PHEX: variants seen among roughly 807,000 people sequenced by gnomAD.
PHEX encodes the protein phosphate regulating endopeptidase X-linked.
In PHEX, 16 loss-of-function variants were observed where a neutral mutation model predicts 68.0. That is an observed-to-expected ratio of 0.24 (90% CI 0.16 to 0.36). The LOEUF is 0.36. Ranked by LOEUF, PHEX falls within the 10% of genes least tolerant of loss-of-function variation. The pLI, the probability that PHEX is intolerant of heterozygous loss-of-function variation, is 1.00. For missense variants in PHEX, 480 were observed against 575.5 expected (o/e 0.83, Z 1.70); for synonymous variants, 208 against 205.1 (o/e 1.01, Z -0.12).
chrX:22,145,358 C>T (rs1040730863), intron 12 of PHEX, among the ~76,000 whole-genome samples: 1 of 112,123 alleles, frequency 8.9e-6, no homozygotes, highest in South Asian at 3.7e-4. Context: ...CGCCTGTAAA[C>T]GCATCACTTT....
chrX:22,116,527 G>A (rs1324395391), intron 11 of PHEX, among the ~76,000 whole-genome samples: 1 of 111,749 alleles, frequency 8.9e-6, no homozygotes, highest in Non-Finnish European at 1.9e-5. Flanking sequence ...ACATTGTAAT[G>A]TCATGATTGT....
At chrX:22,232,932 G>A (rs928717445) in intron 20 of PHEX, among the ~76,000 whole-genome samples, 2 of 110,852 alleles carry the variant, frequency 1.8e-5, no homozygotes, top group African/African-American at 6.6e-5. Flanking sequence ...TCAGTGGCTG[G>A]TGCCAGTTGT....
At chrX:22,215,880 T>TAAC (rs769425641) in intron 16 of PHEX, among the ~76,000 whole-genome samples, 1 of 111,525 alleles carries the variant, frequency 9.0e-6, no homozygotes, top group East Asian at 2.8e-4. Flanking sequence ...TGGAACCTCA[T>TAAC]AACTGTCTGC....
At chrX:22,174,895 C>T (rs111344584) in intron 13 of PHEX, among the ~76,000 whole-genome samples, 19,483 of 111,544 alleles carry the variant, frequency 0.17, 1,636 homozygotes, top group Non-Finnish European at 0.26. Flanking sequence ...TCCTCAATCT[C>T]ACTTTGTCCT....
rs1257797124 is a variant in PHEX at position 22,045,442 on chromosome X, G to T, written c.188-1608G>T. ...TGGTACATAACTTTGTGCTAGAATG[G>T]TAGCCAGCAATTGCATGGCAGCTGG... On this transcript the variant is annotated intron_variant, in intron 2 of 21. Transcript: ENST00000379374. 3.6e-5 allele frequency among the ~76,000 whole-genome samples: 4 copies of T among 111,918 alleles called. No individual in the cohort carries two copies. The East Asian group carries it at 1.1e-3, about 31-fold the overall frequency.
intron 13 of PHEX, among the ~76,000 whole-genome samples, chrX:22,175,621 G>C: frequency 8.9e-6 from 1 of 111,883 alleles, no homozygotes; most frequent in Middle Eastern, 4.2e-3. Flanking sequence ...AAAGTGTTGG[G>C]ATTACAGGCA....
intron 11 of PHEX, 109 bp downstream of exon 11, chrX:22,114,695 T>G: frequency 3.0e-6 from 2 of 658,766 alleles, no homozygotes; most frequent in Non-Finnish European, 2.5e-6. Flanking sequence ...GGCCTGTGGG[T>G]ATTGTCTTCA....
At chrX:22,110,368 A>G (rs966961802) in intron 9 of PHEX, among the ~76,000 whole-genome samples, 2 of 112,602 alleles carry the variant, frequency 1.8e-5, no homozygotes, top group African/African-American at 6.4e-5. Context: ...TAAGAAAGAC[A>G]AATAAAAGCA....
intron 2 of PHEX, among the ~76,000 whole-genome samples, chrX:22,046,469 G>A (rs1927531487): frequency 9.1e-6 from 1 of 110,320 alleles, no homozygotes; most frequent in Non-Finnish European, 1.9e-5. Flanking sequence ...TTGACCACAC[G>A]CTCTATTTGT....
chrX:22,227,936 C>T lies in PHEX; in HGVS notation c.2070+325C>T, dbSNP rs5904628. 0.37 allele frequency among the ~76,000 whole-genome samples: 41,192 copies of T among 110,069 alleles called. 5,926 individuals are homozygous for T. The highest frequency in any genetic ancestry group is 0.46 in the African/African-American group (13,956 of 30,159). ...ATTTGTAACCATTTCTAGTAACTTG[C>T]TCTTTGGCTTTCATGGGCCTGCTCT... On this transcript the variant is annotated intron_variant, in intron 20 of 21. Transcript: ENST00000379374.
In PHEX at chrX:22,249,643, C is replaced by T. The variant is rs2041806157; in HGVS notation, c.*1690C>T. 9.5e-6 allele frequency: 1 copy of T among 105,818 alleles called. No individual in the cohort carries two copies. Among genetic ancestry groups the T allele is most frequent in the Admixed American group, 1.0e-4 (1 of 9,711 alleles). The allele number at this position is 105,818 out of a possible 1,213,427, so 8.7% of individuals were successfully genotyped here. A position where few individuals can be genotyped will look rare whatever the true frequency, so the allele number is the denominator to read the frequency against. On this transcript the variant is annotated 3_prime_UTR_variant, in exon 22 of 22. Transcript: ENST00000379374. ...ACTTCTTCCTCTCTGAATGGATAAA[C>T]TTGTGAAGGGCAGCTACCTTGTCCT...
chrX:22,091,882 G>C (rs1333352050), intron 6 of PHEX, among the ~76,000 whole-genome samples: 1 of 112,123 alleles, frequency 8.9e-6, no homozygotes, highest in South Asian at 3.7e-4. Flanking sequence ...ATGGTGTCAG[G>C]CAAGAGAGCT....
chrX:22,220,026 T>TAAAG (rs1182099063), intron 17 of PHEX, among the ~76,000 whole-genome samples: 1 of 112,408 alleles, frequency 8.9e-6, no homozygotes, highest in Non-Finnish European at 1.9e-5. Context: ...TGACATAAAC[T>TAAAG]AAAGAAATGG....
chrX:22,160,963 G>A (rs753426812), intron 12 of PHEX, among the ~76,000 whole-genome samples: 8 of 109,402 alleles, frequency 7.3e-5, no homozygotes, highest in Non-Finnish European at 1.3e-4. Flanking sequence ...ATGAAACTCC[G>A]TCTCTACTAA....
intron 21 of PHEX, among the ~76,000 whole-genome samples, chrX:22,247,379 G>A (rs1470712123): frequency 1.8e-5 from 2 of 111,975 alleles, no homozygotes; most frequent in African/African-American, 6.5e-5. Flanking sequence ...CAAAGCTATG[G>A]CAATAGAAGT....
At chrX:22,103,402 A>G (rs1437256735) in intron 9 of PHEX, among the ~76,000 whole-genome samples, 1 of 111,223 alleles carries the variant, frequency 9.0e-6, no homozygotes, top group Non-Finnish European at 1.9e-5. Flanking sequence ...TGGTGTACCC[A>G]TCACCTGAGC....
chrX:22,195,845 G>C (rs138878622), intron 15 of PHEX, among the ~76,000 whole-genome samples: 1,761 of 111,506 alleles, frequency 0.016, 32 homozygotes, highest in African/African-American at 0.054. Flanking sequence ...GGTTACACAG[G>C]TGATACAAGA....
chrX:22,036,054 ATTTTTTTT>A (rs72347239), intron 1 of PHEX, among the ~76,000 whole-genome samples: 2 of 56,740 alleles, frequency 3.5e-5, no homozygotes, highest in Non-Finnish European at 5.8e-5. Flanking sequence ...ATATATATAT[ATTTTTTTT>A]TTTTTTTTTT....
At chrX:22,203,289 A>AGATGGAGG (rs1442435726) in intron 15 of PHEX, among the ~76,000 whole-genome samples, 2 of 110,522 alleles carry the variant, frequency 1.8e-5, no homozygotes, top group Non-Finnish European at 3.8e-5. Flanking sequence ...GAAGGTTTCA[A>AGATGGAGG]GATGGAGGGC....
Sources: allele counts gnomAD v4.1 joint callset (sites outside exome capture counted in the v4.1 genomes callset), GRCh38; gene constraint gnomAD v4.1.1; transcripts MANE v1.5; gene names NCBI Gene and HGNC (gene_info 2026-07-23, HGNC 2026-07-21).